Variants in PTGER3 observed in about 807,000 individuals in gnomAD.
The protein encoded by PTGER3 is prostaglandin E2 receptor EP3 subtype.
PTGER3 carries 22 observed loss-of-function variants against 34.7 expected under a neutral mutation model. That is an observed-to-expected ratio of 0.63 (90% CI 0.45 to 0.91). The LOEUF (loss-of-function observed/expected upper bound fraction) is 0.91. Among genes scored for constraint, PTGER3 ranks in the 40% least tolerant of loss-of-function variants. The pLI is 0.00. For synonymous variants in PTGER3, 241 were observed against 230.1 expected, an observed-to-expected ratio of 1.05 and a Z score of -0.43; for missense variants, 468 against 519.4, an observed-to-expected ratio of 0.90 and a Z score of 0.96.
At chr1:71,005,477 T>G (rs556718888) in intron 2 of PTGER3, among the ~76,000 whole-genome samples, 1 of 152,330 alleles carries the variant, frequency 6.6e-6, no homozygotes, top group Non-Finnish European at 1.5e-5. Context: ...TTTCCATGTA[T>G]TCTCATGATA....
intron 2 of PTGER3, 88 bp downstream of exon 2, chr1:71,012,217 A>G: frequency 6.2e-7 from 1 of 1,608,822 alleles, no homozygotes; most frequent in Non-Finnish European, 8.5e-7. Context: ...GTTTTCTTTC[A>G]TGCTTCTGTC....
intron 2 of PTGER3, among the ~76,000 whole-genome samples, chr1:70,994,516 A>G (rs1462263722): frequency 1.3e-5 from 2 of 151,180 alleles, no homozygotes; most frequent in East Asian, 1.9e-4. Flanking sequence ...GCAGTGCAGT[A>G]GTGCGATCTT....
At chr1:70,966,853 T>A (rs1422675211), downstream of PTGER3, among the ~76,000 whole-genome samples, 1 of 152,206 alleles carries the variant, frequency 6.6e-6, no homozygotes, top group Non-Finnish European at 1.5e-5. Flanking sequence ...CTATCACTGA[T>A]GGGCATTTGT....
chr1:71,039,649 CAAA>C (rs1183485427), intron 1 of PTGER3, among the ~76,000 whole-genome samples: 1 of 54,472 alleles, frequency 1.8e-5, no homozygotes, highest in African/African-American at 5.7e-5. Flanking sequence ...GACTCTGTCT[CAAA>C]AAAAAAAAAA....
At chr1:70,880,715 A>AAAAAAAAAAAAAAAAAAAAAAAAAAG (rs1646373418) in intron 4 of PTGER3, among the ~76,000 whole-genome samples, 1 of 151,006 alleles carries the variant, frequency 6.6e-6, no homozygotes, top group African/African-American at 2.4e-5. Flanking sequence ...AAAAAAAAGA[A>AAAAAAAAAAAAAAAAAAAAAAAAAAG]TGGTGAATAT....
intron 1 of PTGER3, among the ~76,000 whole-genome samples, chr1:71,046,144 G>A (rs2101014979): frequency 6.6e-6 from 1 of 151,738 alleles, no homozygotes; most frequent in Admixed American, 6.5e-5. Flanking sequence ...AATTAGCCGG[G>A]CGTGGTGGCG....
At chr1:70,943,340 G>T (rs776966738) in intron 4 of PTGER3, among the ~76,000 whole-genome samples, 3 of 152,134 alleles carry the variant, frequency 2.0e-5, no homozygotes, top group Non-Finnish European at 4.4e-5. Context: ...TATGGCCAGG[G>T]TGACAATCAT....
At chr1:70,927,516 G>A (rs1572670590) in intron 4 of PTGER3, among the ~76,000 whole-genome samples, 1 of 152,134 alleles carries the variant, frequency 6.6e-6, no homozygotes, top group African/African-American at 2.4e-5. Context: ...AGAGTTTGAA[G>A]CAACTACATA....
intron 1 of PTGER3, among the ~76,000 whole-genome samples, chr1:71,032,936 A>G (rs1370821624): frequency 2.0e-5 from 3 of 152,206 alleles, no homozygotes; most frequent in South Asian, 2.1e-4. Flanking sequence ...GGAAATCAGC[A>G]TGCTCCAGAT....
At chr1:70,856,031 T>C (rs1024222618) in intron 4 of PTGER3, among the ~76,000 whole-genome samples, 25 of 152,168 alleles carry the variant, frequency 1.6e-4, no homozygotes, top group African/African-American at 6.0e-4. Flanking sequence ...GGATGTTTCA[T>C]AGCTTGATGC....
intron 4 of PTGER3, among the ~76,000 whole-genome samples, chr1:70,859,670 C>A (rs1433867640): frequency 6.6e-6 from 1 of 152,152 alleles, no homozygotes; most frequent in Non-Finnish European, 1.5e-5. Context: ...GTTATTAAGA[C>A]CTTGCATTCT....
At chr1:71,011,096 AG>A in intron 2 of PTGER3, 1 of 985,790 alleles carries the variant, frequency 1.0e-6, no homozygotes, top group Non-Finnish European at 1.2e-6. Flanking sequence ...GACATTTTTA[AG>A]AAGTGCAATT....
chr1:71,006,382 A>G, intron 2 of PTGER3: 2 of 985,446 alleles, frequency 2.0e-6, no homozygotes, highest in Non-Finnish European at 2.4e-6. Context: ...CAATAAGTAC[A>G]TGAACAAATA....
intron 4 of PTGER3, among the ~76,000 whole-genome samples, chr1:70,891,934 G>A (rs946758520): frequency 2.6e-5 from 4 of 152,158 alleles, no homozygotes; most frequent in African/African-American, 4.8e-5. Context: ...TGCACTTAGA[G>A]GTAGTAATGT....
At chr1:70,990,299 G>T (rs994417384) in intron 2 of PTGER3, among the ~76,000 whole-genome samples, 28 of 150,148 alleles carry the variant, frequency 1.9e-4, no homozygotes, top group Non-Finnish European at 3.8e-4. Context: ...GGAGCTTGCA[G>T]TGAGCTGAGA....
chr1:71,010,915 A>G (rs549920373), intron 2 of PTGER3: 43 of 985,120 alleles, frequency 4.4e-5, no homozygotes, highest in Middle Eastern at 5.2e-4. Context: ...TGCAGTTACT[A>G]CAAGAAGTAT....
intron 4 of PTGER3, among the ~76,000 whole-genome samples, chr1:70,885,447 T>C (rs1646478442): frequency 1.3e-5 from 2 of 152,224 alleles, no homozygotes; most frequent in South Asian, 4.1e-4. Flanking sequence ...CATAAGACTT[T>C]ATGATCTAGT....
intron 4 of PTGER3, among the ~76,000 whole-genome samples, chr1:70,906,969 T>C (rs1353896821): frequency 7.2e-5 from 11 of 152,232 alleles, no homozygotes; most frequent in Non-Finnish European, 1.5e-4. Context: ...ATAATTCAGA[T>C]TAACTGTAAA....
intron 2 of PTGER3, chr1:71,010,728 A>G: frequency 1.0e-6 from 1 of 985,144 alleles, no homozygotes; most frequent in African/African-American, 1.7e-5. Flanking sequence ...AATTTAGATT[A>G]GTAGAACCAT....
Sources: gnomAD v4.1 joint callset for allele counts (sites outside exome capture counted in the v4.1 genomes callset) on GRCh38, gnomAD v4.1.1 for gene constraint, MANE v1.5 for transcripts, NCBI Gene and HGNC (gene_info 2026-07-23, HGNC 2026-07-21) for gene names.